GABRB1: variants seen among roughly 807,000 people sequenced by gnomAD.
GABRB1 encodes the protein gamma-aminobutyric acid receptor subunit beta-1.
In GABRB1, 17 loss-of-function variants were observed where a neutral mutation model predicts 51.6. That is an observed-to-expected ratio of 0.33 (90% CI 0.23 to 0.49). The LOEUF (loss-of-function observed/expected upper bound fraction) is 0.49, where lower values mean the gene tolerates loss of function less well. Among genes scored for constraint, GABRB1 ranks in the 20% least tolerant of loss-of-function variants. The pLI is 0.99. For synonymous variants in GABRB1, 247 were observed against 218.9 expected, an observed-to-expected ratio of 1.13 and a Z score of -1.14; for missense variants, 410 against 600.6, an observed-to-expected ratio of 0.68 and a Z score of 3.32.
intron 4 of GABRB1, among the ~76,000 whole-genome samples, chr4:47,306,751 G>A (rs189864276): frequency 6.3e-4 from 96 of 151,476 alleles, no homozygotes; most frequent in African/African-American, 2.1e-3. Flanking sequence ...TTTTTTGTTT[G>A]TTTGTTTTCC....
At chr4:47,253,849 T>C (rs1212788135) in intron 4 of GABRB1, among the ~76,000 whole-genome samples, 2 of 152,190 alleles carry the variant, frequency 1.3e-5, no homozygotes, top group African/African-American at 4.8e-5. Flanking sequence ...CAAAGAAATG[T>C]TTCATAATGA....
At chr4:47,066,165 A>C (rs1337855551) in intron 3 of GABRB1, among the ~76,000 whole-genome samples, 1 of 152,232 alleles carries the variant, frequency 6.6e-6, no homozygotes, top group Non-Finnish European at 1.5e-5. Flanking sequence ...TGTATATAAA[A>C]TTATGTTTAC....
chr4:47,390,424 G>A (rs539324127), intron 5 of GABRB1, among the ~76,000 whole-genome samples: 3 of 152,316 alleles, frequency 2.0e-5, no homozygotes, highest in Admixed American at 6.5e-5. Flanking sequence ...TAAGCACAGT[G>A]GGGAGTAATT....
At chr4:47,158,309 G>C (rs185923224) in intron 3 of GABRB1, among the ~76,000 whole-genome samples, 2 of 152,096 alleles carry the variant, frequency 1.3e-5, no homozygotes, top group Non-Finnish European at 2.9e-5. Context: ...TATATTTATT[G>C]TGTACAACAT....
intron 4 of GABRB1, among the ~76,000 whole-genome samples, chr4:47,305,771 G>A (rs188040458): frequency 6.6e-6 from 1 of 152,298 alleles, no homozygotes; most frequent in African/African-American, 2.4e-5. Context: ...ATTAGGTATA[G>A]AGTCAATGTG....
At chr4:47,381,871 G>A (rs781022199) in intron 5 of GABRB1, among the ~76,000 whole-genome samples, 22 of 151,984 alleles carry the variant, frequency 1.4e-4, no homozygotes, top group Non-Finnish European at 2.8e-4. Flanking sequence ...TTACTTTCTC[G>A]CCAACAGTTT....
intron 4 of GABRB1, among the ~76,000 whole-genome samples, chr4:47,248,667 AC>A (rs1285186295): frequency 6.6e-6 from 1 of 151,876 alleles, no homozygotes; most frequent in African/African-American, 2.4e-5. Flanking sequence ...TTTTTAAATT[AC>A]TATTTGAATC....
At chr4:47,015,515 T>C (rs1429688806) in intron 1 of GABRB1, among the ~76,000 whole-genome samples, 1 of 152,154 alleles carries the variant, frequency 6.6e-6, no homozygotes, top group Admixed American at 6.5e-5. Flanking sequence ...CTCTTCCACA[T>C]TGGAAAGCAA....
At chr4:47,261,550 A>G (rs1333880070) in intron 4 of GABRB1, among the ~76,000 whole-genome samples, 6 of 152,202 alleles carry the variant, frequency 3.9e-5, no homozygotes, top group African/African-American at 1.4e-4. Context: ...AGAGGATACA[A>G]AGAAATGGAA....
chr4:47,267,795 CA>C (rs539252209), intron 4 of GABRB1, among the ~76,000 whole-genome samples: 1 of 148,838 alleles, frequency 6.7e-6, no homozygotes, highest in Non-Finnish European at 1.5e-5. Flanking sequence ...AATTCCATCT[CA>C]AAAAAAATAA....
intron 4 of GABRB1, among the ~76,000 whole-genome samples, chr4:47,279,542 C>T (rs538923155): frequency 4.6e-5 from 7 of 152,000 alleles, no homozygotes; most frequent in Non-Finnish European, 1.0e-4. Flanking sequence ...ACCTTCCATC[C>T]CCATTTCTTA....
intron 5 of GABRB1, among the ~76,000 whole-genome samples, chr4:47,338,754 G>A (rs1229168087): frequency 6.6e-6 from 1 of 152,162 alleles, no homozygotes; most frequent in African/African-American, 2.4e-5. Flanking sequence ...GAGGTGATGT[G>A]ATAAGGAATT....
At chr4:47,346,697 C>CA (rs1457656880) in intron 5 of GABRB1, among the ~76,000 whole-genome samples, 1 of 152,192 alleles carries the variant, frequency 6.6e-6, no homozygotes, top group Non-Finnish European at 1.5e-5. Flanking sequence ...GAATCAAAGA[C>CA]AAAATAACTG....
At chr4:47,317,140 G>C (rs781496528) in intron 4 of GABRB1, among the ~76,000 whole-genome samples, 6 of 151,886 alleles carry the variant, frequency 4.0e-5, no homozygotes, top group Non-Finnish European at 7.4e-5. Context: ...ACTGTCCTGT[G>C]CATGGTAGGA....
chr4:47,013,893 G>A (rs936975045), intron 1 of GABRB1, among the ~76,000 whole-genome samples: 7 of 152,098 alleles, frequency 4.6e-5, no homozygotes, highest in Admixed American at 2.0e-4. Context: ...TTATGTAGAA[G>A]ATTTAAATTT....
At chr4:47,223,086 G>A (rs996540642) in intron 4 of GABRB1, among the ~76,000 whole-genome samples, 3 of 152,058 alleles carry the variant, frequency 2.0e-5, no homozygotes, top group South Asian at 2.1e-4. Context: ...ACCACCTACC[G>A]GGAACATTTC....
At chr4:47,093,024 A>G (rs1338689686) in intron 3 of GABRB1, among the ~76,000 whole-genome samples, 4 of 152,368 alleles carry the variant, frequency 2.6e-5, no homozygotes, top group East Asian at 1.9e-4. Context: ...TATCATTGTC[A>G]TATAACTTCT....
intron 5 of GABRB1, among the ~76,000 whole-genome samples, chr4:47,349,577 C>G (rs1472027232): frequency 6.6e-6 from 1 of 152,186 alleles, no homozygotes; most frequent in African/African-American, 2.4e-5. Context: ...CTCCATCAGC[C>G]TGAGACGTGA....
intron 3 of GABRB1, among the ~76,000 whole-genome samples, chr4:47,035,141 T>C (rs1034632075): frequency 6.6e-6 from 1 of 152,162 alleles, no homozygotes; most frequent in Admixed American, 6.5e-5. Flanking sequence ...TGCATTAAAT[T>C]AGTAGATTTG....
Sources: gnomAD v4.1 joint callset for allele counts (sites outside exome capture counted in the v4.1 genomes callset) on GRCh38, gnomAD v4.1.1 for gene constraint, MANE v1.5 for transcripts, NCBI Gene and HGNC (gene_info 2026-07-23, HGNC 2026-07-21) for gene names.